GRIK4: variants seen among roughly 807,000 people sequenced by gnomAD.
GRIK4 encodes the protein glutamate ionotropic receptor kainate type subunit 4, also known as glutamate receptor ionotropic, kainate 4.
A neutral mutation model predicts 104.9 loss-of-function variants in GRIK4; 40 were observed. The ratio of observed to expected loss-of-function variants is 0.38; its 90% CI spans 0.30 to 0.50. GRIK4 has a LOEUF of 0.50. Ranked by LOEUF, GRIK4 falls within the 20% of genes least tolerant of loss-of-function variation. The pLI is 0.93. For missense variants in GRIK4, 1,047 were observed against 1,308.1 expected (o/e 0.80, Z 3.08); for synonymous variants, 485 against 524.9 (o/e 0.92, Z 1.04).
intron 9 of GRIK4, among the ~76,000 whole-genome samples, chr11:120,865,423 G>C (rs1954381038): frequency 6.6e-6 from 1 of 152,272 alleles, no homozygotes; most frequent in African/African-American, 2.4e-5. Flanking sequence ...AGCTGGCTCA[G>C]TTGGGCAGCT....
Position 120,615,657 on chromosome 11 carries a change from G to A in GRIK4, c.-158-38028G>A, listed in dbSNP as rs577890982. 2.6e-5 allele frequency among the ~76,000 whole-genome samples: 4 copies of A among 152,280 alleles called. No individual in the cohort carries two copies. In the South Asian group the frequency reaches 8.3e-4, roughly 32 times the overall value. Reference sequence around the variant, plus strand: ...CTCTCAGTAATGCATTCTACCTACTGGGCTTGGCTGGCACTCTTCCTGCCC... The same window carrying A: ...CTCTCAGTAATGCATTCTACCTACTAGGCTTGGCTGGCACTCTTCCTGCCC... On this transcript the variant is annotated intron_variant, in intron 1 of 20. Coordinates refer to ENST00000527524, the MANE Select transcript of GRIK4 (RefSeq NM_014619.5).
At chr11:120,741,178 C>A (rs1246497765) in intron 3 of GRIK4, among the ~76,000 whole-genome samples, 1 of 152,106 alleles carries the variant, frequency 6.6e-6, no homozygotes, top group Non-Finnish European at 1.5e-5. Context: ...CAATATCCTC[C>A]ACTTTACAAT....
chr11:120,792,213 G>T (rs1204738445), intron 3 of GRIK4, among the ~76,000 whole-genome samples: 2 of 152,056 alleles, frequency 1.3e-5, no homozygotes, highest in Non-Finnish European at 2.9e-5. Flanking sequence ...GTGAGCAAAG[G>T]TGTGCAGGCA....
At chr11:120,929,754 T>G (rs1424019582) in intron 13 of GRIK4, among the ~76,000 whole-genome samples, 3 of 152,092 alleles carry the variant, frequency 2.0e-5, no homozygotes, top group African/African-American at 7.2e-5. Flanking sequence ...GCGTCCCACA[T>G]GACACCGTCC....
chr11:120,760,018 T>A (rs889512688), intron 3 of GRIK4, among the ~76,000 whole-genome samples: 1 of 151,976 alleles, frequency 6.6e-6, no homozygotes, highest in East Asian at 1.9e-4. Flanking sequence ...TAACACACTT[T>A]ATATTAGAGA....
At chr11:120,814,155 G>T (rs1952884652) in intron 4 of GRIK4, among the ~76,000 whole-genome samples, 1 of 152,208 alleles carries the variant, frequency 6.6e-6, no homozygotes, top group African/African-American at 2.4e-5. Context: ...GTGGGGATTG[G>T]GAGATAAATG....
chr11:120,942,509 C>T (rs1286529621), intron 14 of GRIK4, among the ~76,000 whole-genome samples: 1 of 152,202 alleles, frequency 6.6e-6, no homozygotes, highest in Admixed American at 6.5e-5. Context: ...TTCCTGGTGA[C>T]TCAGTGGCCC....
chr11:120,594,603 T>C (rs1016004917), intron 1 of GRIK4, among the ~76,000 whole-genome samples: 28 of 152,394 alleles, frequency 1.8e-4, no homozygotes, highest in Admixed American at 8.5e-4. Flanking sequence ...CACTGTCTTC[T>C]TGATCAGTTG....
At chr11:120,580,560 C>T (rs2135093526) in intron 1 of GRIK4, among the ~76,000 whole-genome samples, 1 of 147,708 alleles carries the variant, frequency 6.8e-6, no homozygotes, top group South Asian at 2.2e-4. Context: ...AGCCACCATG[C>T]CTGGCCTCCT....
intron 8 of GRIK4, among the ~76,000 whole-genome samples, chr11:120,839,004 C>T (rs1953651789): frequency 1.3e-5 from 2 of 152,142 alleles, no homozygotes. Flanking sequence ...CTAGGCTGCT[C>T]TCAAACTCCT....
chr11:120,656,954 A>C (rs1253723004), intron 2 of GRIK4, among the ~76,000 whole-genome samples: 3 of 152,210 alleles, frequency 2.0e-5, no homozygotes, highest in African/African-American at 7.2e-5. Flanking sequence ...TCTGTCATCA[A>C]ATAAAATTTA....
At chr11:120,933,726 G>A (rs1317652519) in intron 13 of GRIK4, among the ~76,000 whole-genome samples, 1 of 152,146 alleles carries the variant, frequency 6.6e-6, no homozygotes, top group Non-Finnish European at 1.5e-5. Flanking sequence ...TTGATAGGCT[G>A]GTATTGCCCC....
chr11:120,572,344 G>A (rs7937796), intron 1 of GRIK4, among the ~76,000 whole-genome samples: 16,157 of 152,210 alleles, frequency 0.11, 2,841 homozygotes, highest in African/African-American at 0.36. Context: ...ACTACAACAT[G>A]CCTGGTAGCG....
rs1285109078 is a variant in GRIK4 at position 120,517,391 on chromosome 11, G to A, written c.-159+5504G>A. 1.3e-5 allele frequency among the ~76,000 whole-genome samples: 2 copies of A among 148,860 alleles called. 1 individual carries two copies. The highest frequency in any genetic ancestry group is 5.1e-5 in the African/African-American group (2 of 39,374). ...TTGGTGCGATCCTCTCCTGTCCTCA[G>A]TGTCCAGCCTCTTGGTGCCCGCTTG... On this transcript the variant is annotated intron_variant, in intron 1 of 20. Transcript: ENST00000527524.
At position 120,717,557 on chromosome 11, in the gene GRIK4, TA is replaced by T. The variant is rs569990491; in HGVS notation, c.82+57169del. 8.6e-3 allele frequency among the ~76,000 whole-genome samples: 1,232 copies of T among 143,518 alleles called. 12 individuals are homozygous for T. The highest frequency in any genetic ancestry group is 0.024 in the African/African-American group (959 of 39,470). The allele number at this position is 143,518 out of a possible 152,430, so 94.2% of individuals were successfully genotyped here. ...CCAGGAAATCTGAGTCCTAAAAGTT[TA>T]AAAAAAAAAAAGCGATGGGAGAACT... On this transcript the variant is annotated intron_variant, in intron 3 of 20. Coordinates refer to ENST00000527524, the MANE Select transcript of GRIK4 (RefSeq NM_014619.5).
At chr11:120,865,452 T>C (rs1304726316) in intron 9 of GRIK4, among the ~76,000 whole-genome samples, 32 of 152,264 alleles carry the variant, frequency 2.1e-4, no homozygotes, top group Admixed American at 2.1e-3. Context: ...CTGTCTGAGA[T>C]CTCTCAGCAT....
chr11:120,587,342 GA>G (rs533286834), intron 1 of GRIK4, among the ~76,000 whole-genome samples: 2 of 152,104 alleles, frequency 1.3e-5, no homozygotes, highest in Admixed American at 1.3e-4. Flanking sequence ...CTTTGACATG[GA>G]AAAAAATCTT....
intron 1 of GRIK4, among the ~76,000 whole-genome samples, chr11:120,548,262 C>A (rs140504241): frequency 1.3e-3 from 198 of 152,182 alleles, no homozygotes; most frequent in African/African-American, 4.7e-3. Flanking sequence ...GACCCAGTGC[C>A]ATGGATGCTT....
At chr11:120,624,236 C>T (rs559718304) in intron 1 of GRIK4, among the ~76,000 whole-genome samples, 2 of 152,224 alleles carry the variant, frequency 1.3e-5, no homozygotes, top group East Asian at 1.9e-4. Context: ...TCTTGAGGTC[C>T]CCTTGGGGTT....
Sources: gnomAD v4.1 joint callset for allele counts (sites outside exome capture counted in the v4.1 genomes callset) on GRCh38, gnomAD v4.1.1 for gene constraint, MANE v1.5 for transcripts, NCBI Gene and HGNC (gene_info 2026-07-23, HGNC 2026-07-21) for gene names.